Variants in PRKD1 observed in about 807,000 individuals in gnomAD.
PRKD1 encodes the protein protein kinase D1.
Under a neutral mutation model 95.9 loss-of-function variants are expected in PRKD1, and 63 were observed. That is an observed-to-expected ratio of 0.66 (90% confidence interval 0.54 to 0.81). The LOEUF (loss-of-function observed/expected upper bound fraction) is 0.81. Ranked by LOEUF, PRKD1 falls within the 30% of genes least tolerant of loss-of-function variation. The probability of loss-of-function intolerance (pLI) is 0.00; values close to 1 mark genes in which losing one functional copy is unlikely to be tolerated. For synonymous variants in PRKD1, 425 were observed against 423.1 expected (o/e 1.00, Z -0.05); for missense variants, 1,048 against 1,165.3 (o/e 0.90, Z 1.47).
intron 1 of PRKD1, among the ~76,000 whole-genome samples, chr14:29,749,984 A>G (rs1249646763): frequency 6.6e-6 from 1 of 152,216 alleles, no homozygotes; most frequent in Non-Finnish European, 1.5e-5. Flanking sequence ...TAAAAGAAGT[A>G]TCACAGAACA....
intron 13 of PRKD1, among the ~76,000 whole-genome samples, chr14:29,620,875 A>T (rs1207926552): frequency 6.6e-6 from 1 of 151,826 alleles, no homozygotes; most frequent in Non-Finnish European, 1.5e-5. Flanking sequence ...ACACATGCAC[A>T]TGTATGTTTA....
chr14:29,880,684 GC>G (rs559978185), intron 1 of PRKD1, among the ~76,000 whole-genome samples: 27 of 152,144 alleles, frequency 1.8e-4, no homozygotes, highest in Non-Finnish European at 3.5e-4. Flanking sequence ...CTCAATGCTA[GC>G]CCATGAAAGC....
At position 29,638,891 on chromosome 14, in the gene PRKD1, G is replaced by A; in HGVS notation, c.710C>T (p.Ser237Leu). 2 of 1,613,920 alleles carry A rather than the reference G, an allele frequency of 1.2e-6. No individual in the cohort carries two copies. The highest frequency in any genetic ancestry group is 1.7e-6 in the Non-Finnish European group (2 of 1,179,860). Residue 237 changes from serine to leucine, a missense_variant, in exon 5 of 18, where the codon TCA becomes TTA. Physicochemically the swap from Ser to Leu is moderately radical, Grantham distance 145. Around this residue, in one of 3 missense-constraint regions of PRKD1, gnomAD observed 739 missense variants for 861.9 expected, o/e 0.86. Transcript: ENST00000331968. ...PDEPLLQKSP[S>L]ESFIGREKRS... ...CTTCTCTCGACCAATAAACGACTCTGATGGTGATTTTTGCTACATTTTGGA... is the reference window on the plus strand; with the variant it reads ...CTTCTCTCGACCAATAAACGACTCTAATGGTGATTTTTGCTACATTTTGGA...
intron 1 of PRKD1, among the ~76,000 whole-genome samples, chr14:29,854,311 C>A (rs774514943): frequency 1.1e-4 from 17 of 152,148 alleles, no homozygotes; most frequent in Non-Finnish European, 2.2e-4. Context: ...ACAATGAAAT[C>A]CAGGCTGAGA....
intron 1 of PRKD1, among the ~76,000 whole-genome samples, chr14:29,780,222 G>A (rs1432568021): frequency 1.3e-5 from 2 of 152,098 alleles, no homozygotes; most frequent in African/African-American, 4.8e-5. Flanking sequence ...CAGGACATAG[G>A]CATGGGCAAG....
chr14:29,808,063 C>T (rs1281443052), intron 1 of PRKD1, among the ~76,000 whole-genome samples: 8 of 152,058 alleles, frequency 5.3e-5, no homozygotes, highest in Admixed American at 4.6e-4. Context: ...TTTGCTGCAT[C>T]GGTTGACTCT....
intron 1 of PRKD1, among the ~76,000 whole-genome samples, chr14:29,808,938 T>C (rs955772359): frequency 1.3e-5 from 2 of 152,234 alleles, no homozygotes; most frequent in African/African-American, 4.8e-5. Flanking sequence ...GAGAAATCAC[T>C]ATATCAATGG....
rs765110558 is a variant in PRKD1, at chr14:29,622,563, C to T, written c.1905+1589G>A. On this transcript the variant is annotated intron_variant, in intron 13 of 17. Transcript: ENST00000331968. ...GACTACAGGCACCTGCCACCACACC[C>T]GGCTAATTTTTGTATTTTTAGTAGA... Among the ~76,000 whole-genome samples, 11 of 151,960 alleles carry T rather than the reference C, an allele frequency of 7.2e-5. No homozygotes were observed. The East Asian group carries it at 7.8e-4, about 11-fold the overall frequency.
chr14:29,726,709 A>G (rs1367096417), intron 1 of PRKD1, among the ~76,000 whole-genome samples: 1 of 152,102 alleles, frequency 6.6e-6, no homozygotes, highest in Non-Finnish European at 1.5e-5. Context: ...AAATATAATG[A>G]GAACATCTTA....
At chr14:29,717,539 A>AT (rs1885675253) in intron 2 of PRKD1, among the ~76,000 whole-genome samples, 1 of 152,184 alleles carries the variant, frequency 6.6e-6, no homozygotes. Context: ...ATGTGGAGAT[A>AT]TAACATAAAT....
At chr14:29,677,232 T>C (rs1350440749) in intron 2 of PRKD1, among the ~76,000 whole-genome samples, 2 of 152,262 alleles carry the variant, frequency 1.3e-5, no homozygotes, top group Non-Finnish European at 2.9e-5. Context: ...TTACTTTTAG[T>C]CAGATTCTGT....
At chr14:29,888,687 G>GT (rs1034474681) in intron 1 of PRKD1, among the ~76,000 whole-genome samples, 8 of 152,132 alleles carry the variant, frequency 5.3e-5, no homozygotes, top group African/African-American at 1.7e-4. Context: ...AATACAGAAA[G>GT]TAGAGGAGTC....
At chr14:29,769,119 A>T (rs528114173) in intron 1 of PRKD1, among the ~76,000 whole-genome samples, 1 of 152,340 alleles carries the variant, frequency 6.6e-6, no homozygotes, top group East Asian at 1.9e-4. Flanking sequence ...GTCCTGAAAA[A>T]AGTTAAAAAG....
chr14:29,926,457 G>A (rs970388279), intron 1 of PRKD1, among the ~76,000 whole-genome samples: 3 of 152,158 alleles, frequency 2.0e-5, no homozygotes, highest in Admixed American at 1.3e-4. Flanking sequence ...ACAGTGGTGG[G>A]TGGGCTGAGT....
chr14:29,651,296 G>T (rs1239955056), intron 4 of PRKD1, among the ~76,000 whole-genome samples: 1 of 152,150 alleles, frequency 6.6e-6, no homozygotes. Context: ...TTCAGTGCAT[G>T]GCTACACAAA....
chr14:29,745,079 A>G (rs560674745), intron 1 of PRKD1, among the ~76,000 whole-genome samples: 13 of 152,250 alleles, frequency 8.5e-5, no homozygotes, highest in Non-Finnish European at 1.9e-4. Context: ...CCGGGATTGC[A>G]ATATGCTTTT....
At chr14:29,822,286 A>G (rs1179894549) in intron 1 of PRKD1, among the ~76,000 whole-genome samples, 1 of 152,212 alleles carries the variant, frequency 6.6e-6, no homozygotes, top group Admixed American at 6.5e-5. Flanking sequence ...ATTACGCAGA[A>G]CGATTTCTAT....
At chr14:29,743,462 G>A (rs745673753) in intron 1 of PRKD1, among the ~76,000 whole-genome samples, 7 of 152,006 alleles carry the variant, frequency 4.6e-5, no homozygotes, top group Non-Finnish European at 8.8e-5. Flanking sequence ...AGAGAACCAA[G>A]CAGAGAACCA....
At chr14:29,732,270 T>G (rs1886478604) in intron 1 of PRKD1, among the ~76,000 whole-genome samples, 1 of 152,210 alleles carries the variant, frequency 6.6e-6, no homozygotes, top group Admixed American at 6.5e-5. Flanking sequence ...TTGTTACATC[T>G]GTTTTTTTGT....
Sources: gnomAD v4.1 joint callset for allele counts (sites outside exome capture counted in the v4.1 genomes callset) on GRCh38, gnomAD v4.1.1 for gene constraint, gnomAD v4.1.1 regional missense constraint, MANE v1.5 for transcripts, NCBI Gene and HGNC (gene_info 2026-07-23, HGNC 2026-07-21) for gene names.